UGT1A9: variants seen among roughly 807,000 people sequenced by gnomAD.
UGT1A9 encodes the protein UDP-glucuronosyltransferase 1A9.
In UGT1A9, 35 loss-of-function variants were observed where a neutral mutation model predicts 45.0. The observed-to-expected ratio is 0.78, with a 90% CI of 0.59 to 1.03. The LOEUF is 1.03. UGT1A9 is among the 50% of genes least tolerant of loss of function. The pLI is 0.00. For missense variants in UGT1A9, 687 were observed against 666.6 expected, an observed-to-expected ratio of 1.03 and a Z score of -0.34; for synonymous variants, 278 against 250.6, an observed-to-expected ratio of 1.11 and a Z score of -1.03.
intron 1 of UGT1A9, chr2:233,743,944 C>T (rs558062868): frequency 4.4e-5 from 59 of 1,351,522 alleles, no homozygotes; most frequent in Non-Finnish European, 5.5e-5. Flanking sequence ...GCCCACCAGG[C>T]ACTGGCACAG....
At chr2:233,729,454 T>A (rs758737792) in intron 1 of UGT1A9, 14 of 1,613,924 alleles carry the variant, frequency 8.7e-6, no homozygotes, top group Non-Finnish European at 1.2e-5. Flanking sequence ...TCTGAAGAAA[T>A]TTTTCAGAAG....
intron 1 of UGT1A9, chr2:233,718,632 C>A: frequency 6.9e-7 from 1 of 1,448,466 alleles, no homozygotes; most frequent in Non-Finnish European, 9.3e-7. Flanking sequence ...TGGTCTTTCC[C>A]AGGGTTGGGC....
At chr2:233,716,619 T>C (rs1353920289) in intron 1 of UGT1A9, among the ~76,000 whole-genome samples, 1 of 152,234 alleles carries the variant, frequency 6.6e-6, no homozygotes, top group Non-Finnish European at 1.5e-5. Context: ...AGGTTTATTC[T>C]AGTGAAGTTT....
At chr2:233,692,914 G>T in intron 1 of UGT1A9, 1 of 1,561,786 alleles carries the variant, frequency 6.4e-7, no homozygotes, top group Non-Finnish European at 8.6e-7. Flanking sequence ...CCTGTGAAAA[G>T]CAGTGGTTAG....
At chr2:233,765,166 G>T (rs1228376175) in intron 1 of UGT1A9, among the ~76,000 whole-genome samples, 1 of 152,128 alleles carries the variant, frequency 6.6e-6, no homozygotes, top group Non-Finnish European at 1.5e-5. Flanking sequence ...CCCTCAGTTT[G>T]GGCAAGCCCT....
chr2:233,681,219 C>T (rs2074514463), intron 1 of UGT1A9, among the ~76,000 whole-genome samples: 1 of 151,902 alleles, frequency 6.6e-6, no homozygotes, highest in Non-Finnish European at 1.5e-5. Flanking sequence ...TCTTTCTGGG[C>T]AGAGGACAAA....
chr2:233,749,872 A>G (rs1694289871), intron 1 of UGT1A9, among the ~76,000 whole-genome samples: 1 of 151,942 alleles, frequency 6.6e-6, no homozygotes, highest in South Asian at 2.1e-4. Context: ...TGCCAGGATT[A>G]TAAGTTTCCT....
At chr2:233,689,906 T>A in intron 1 of UGT1A9, 1 of 456,754 alleles carries the variant, frequency 2.2e-6, no homozygotes, top group South Asian at 1.5e-5. Flanking sequence ...CAGGGCCAGG[T>A]AGGTGCCTGG....
intron 1 of UGT1A9, among the ~76,000 whole-genome samples, chr2:233,699,882 A>T (rs1053068839): frequency 4.6e-5 from 7 of 152,168 alleles, no homozygotes; most frequent in African/African-American, 1.7e-4. Context: ...TGGTGTTGCA[A>T]TTGGAGAGGC....
chr2:233,769,998 C>A lies in UGT1A9; in HGVS notation c.1295+1559C>A. The stretch of plus-strand genomic sequence containing the variant: ...AGGATGTCCTGCTCACATATCAATA[C>A]CATTAAAACCTGACTTCTTTCCCTG... On this transcript the variant is annotated intron_variant, in intron 4 of 4. Coordinates refer to ENST00000354728, the MANE Select transcript of UGT1A9 (RefSeq NM_021027.3). The surrounding 1 kb of genome is among the most constrained non-coding windows in gnomAD (Gnocchi z 4.4). 5.7e-6 allele frequency: 1 copy of A among 174,584 alleles called. No homozygotes were observed. The highest frequency in any genetic ancestry group is 1.2e-5 in the Non-Finnish European group (1 of 82,536). The allele number at this position is 174,584 out of a possible 1,614,324, so 10.8% of individuals were successfully genotyped here. A position where few individuals can be genotyped will look rare whatever the true frequency, so the allele number is the denominator to read the frequency against.
At chr2:233,757,535 A>AATATATATACATATATATATATAT (rs376887521) in intron 1 of UGT1A9, among the ~76,000 whole-genome samples, 7 of 88,250 alleles carry the variant, frequency 7.9e-5, no homozygotes, top group Non-Finnish European at 1.1e-4. Flanking sequence ...GCCTGTAAGG[A>AATATATATACATATATATATATAT]ATATATATAT....
intron 1 of UGT1A9, among the ~76,000 whole-genome samples, chr2:233,750,203 C>A (rs1694389786): frequency 6.6e-6 from 1 of 151,828 alleles, no homozygotes; most frequent in African/African-American, 2.4e-5. Context: ...GAAGTCCAGG[C>A]TGAGTCTCAG....
At chr2:233,765,155 C>T (rs1463454696) in intron 1 of UGT1A9, among the ~76,000 whole-genome samples, 1 of 152,176 alleles carries the variant, frequency 6.6e-6, no homozygotes, top group East Asian at 1.9e-4. Flanking sequence ...TCCTAGGGAA[C>T]CCCTCAGTTT....
chr2:233,693,465 C>A, intron 1 of UGT1A9: 4 of 1,614,070 alleles, frequency 2.5e-6, no homozygotes, highest in Non-Finnish European at 3.4e-6. Context: ...CCAGCCTTAC[C>A]CTGTGGGGTG....
intron 1 of UGT1A9, among the ~76,000 whole-genome samples, chr2:233,763,949 C>T (rs1698436640): frequency 6.6e-6 from 1 of 152,024 alleles, no homozygotes; most frequent in African/African-American, 2.4e-5. Flanking sequence ...AGCTTGGGAG[C>T]AGGGAAGGTT....
At chr2:233,738,160 TTCTC>T (rs1212480209) in intron 1 of UGT1A9, among the ~76,000 whole-genome samples, 1 of 152,184 alleles carries the variant, frequency 6.6e-6, no homozygotes, top group Non-Finnish European at 1.5e-5. Context: ...CTATTCCTCT[TTCTC>T]TCTTTCATGT....
chr2:233,765,727 T>TA (rs1026006694), intron 1 of UGT1A9, among the ~76,000 whole-genome samples: 8 of 150,756 alleles, frequency 5.3e-5, no homozygotes, highest in Non-Finnish European at 1.0e-4. Context: ...ATAATAATAA[T>TA]AATAAATAAA....
intron 1 of UGT1A9, among the ~76,000 whole-genome samples, chr2:233,727,533 G>A (rs532187681): frequency 2.6e-5 from 4 of 152,154 alleles, no homozygotes; most frequent in East Asian, 1.9e-4. Context: ...ACTACCAGGC[G>A]TGTTCCACCC....
chr2:233,760,970 C>T (rs767709240), intron 1 of UGT1A9: 2 of 1,614,170 alleles, frequency 1.2e-6, no homozygotes, highest in South Asian at 1.1e-5. Flanking sequence ...GTGGTTTATT[C>T]CCCGTATGCA....
Sources: allele counts gnomAD v4.1 joint callset (sites outside exome capture counted in the v4.1 genomes callset), GRCh38; gene constraint gnomAD v4.1.1; non-coding constraint Gnocchi (gnomAD v3.1); transcripts MANE v1.5; gene names NCBI Gene and HGNC (gene_info 2026-07-23, HGNC 2026-07-21).